DYRK1A: variants seen among roughly 807,000 people sequenced by gnomAD.
DYRK1A encodes dual specificity tyrosine-phosphorylation-regulated kinase 1A.
A neutral mutation model predicts 79.7 loss-of-function variants in DYRK1A; 9 were observed. The observed-to-expected ratio is 0.11, with a 90% CI of 0.07 to 0.20. The LOEUF (loss-of-function observed/expected upper bound fraction) is 0.20, where lower values mean the gene tolerates loss of function less well. Among genes scored for constraint, DYRK1A ranks in the 10% least tolerant of loss-of-function variants. The pLI is 1.00. For synonymous variants in DYRK1A, 349 were observed against 329.7 expected (o/e 1.06, Z -0.63); for missense variants, 622 against 956.0 (o/e 0.65, Z 4.61).
intron 2 of DYRK1A, among the ~76,000 whole-genome samples, chr21:37,428,258 A>C (rs1313753762): frequency 6.6e-6 from 1 of 152,220 alleles, no homozygotes; most frequent in Non-Finnish European, 1.5e-5. Context: ...GTTTTATACA[A>C]GAGCTTTAAC....
At chr21:37,375,806 G>A (rs2049527028) in intron 1 of DYRK1A, among the ~76,000 whole-genome samples, 1 of 151,940 alleles carries the variant, frequency 6.6e-6, no homozygotes, top group African/African-American at 2.4e-5. Flanking sequence ...ACCACACCCA[G>A]CCCTGGAGGA....
chr21:37,409,474 A>G (rs1377916697), intron 1 of DYRK1A, among the ~76,000 whole-genome samples: 2 of 152,132 alleles, frequency 1.3e-5, no homozygotes, highest in Non-Finnish European at 2.9e-5. Context: ...ATTTTTAAAA[A>G]CAAATATATT....
intron 1 of DYRK1A, chr21:37,410,657 A>T (rs2050225433): frequency 6.6e-6 from 1 of 152,274 alleles, no homozygotes; most frequent in African/African-American, 2.4e-5. Flanking sequence ...CCTCCCCAGT[A>T]GCTGGGATTA....
intron 2 of DYRK1A, among the ~76,000 whole-genome samples, chr21:37,457,396 A>AT (rs1198721125): frequency 6.6e-6 from 1 of 151,808 alleles, no homozygotes; most frequent in African/African-American, 2.4e-5. Context: ...TGATCGCCTA[A>AT]TTGTGTGTGT....
chr21:37,453,494 A>G (rs2148507591), intron 2 of DYRK1A, among the ~76,000 whole-genome samples: 1 of 152,042 alleles, frequency 6.6e-6, no homozygotes, highest in Non-Finnish European at 1.5e-5. Flanking sequence ...TTTATGTTTA[A>G]GACAGAGCTG....
intron 2 of DYRK1A, among the ~76,000 whole-genome samples, chr21:37,462,304 G>A (rs978294184): frequency 3.9e-5 from 6 of 152,114 alleles, no homozygotes; most frequent in Admixed American, 1.3e-4. Flanking sequence ...GTTGAATGTC[G>A]TCCTGGCAGG....
intron 1 of DYRK1A, among the ~76,000 whole-genome samples, chr21:37,398,063 C>T (rs1329514650): frequency 4.5e-5 from 2 of 44,334 alleles, no homozygotes; most frequent in South Asian, 9.1e-4. Flanking sequence ...AAGACCTCAT[C>T]TCTTAAAAAA....
At chr21:37,459,005 GTTT>G (rs1380039032) in intron 2 of DYRK1A, among the ~76,000 whole-genome samples, 1 of 152,200 alleles carries the variant, frequency 6.6e-6, no homozygotes, top group Non-Finnish European at 1.5e-5. Flanking sequence ...GCAGTTCACT[GTTT>G]TGTGTGTGGA....
At chr21:37,378,635 G>A (rs2049596149) in intron 1 of DYRK1A, among the ~76,000 whole-genome samples, 1 of 152,308 alleles carries the variant, frequency 6.6e-6, no homozygotes, top group South Asian at 2.1e-4. Context: ...CAGAAAAGGG[G>A]GCTCTTGTTC....
intron 2 of DYRK1A, among the ~76,000 whole-genome samples, chr21:37,466,740 TTAAG>T (rs1265590124): frequency 2.2e-4 from 33 of 152,214 alleles, no homozygotes; most frequent in South Asian, 4.2e-4. Flanking sequence ...GTATAACACT[TTAAG>T]TAGGAGATTT....
rs568859082 is a variant in DYRK1A at position 37,399,027 on chromosome 21, T to A, written c.-76-21272T>A. ...AAATAAAATGATAGAGAAACTTGCA[T>A]AGATGAAGGATGTGTCCCATTCCCT... On this transcript the variant is annotated intron_variant, in intron 1 of 11. Coordinates refer to ENST00000647188, the MANE Select transcript of DYRK1A (RefSeq NM_001347721.2). 1.4e-4 allele frequency among the ~76,000 whole-genome samples: 21 copies of A among 151,884 alleles called. No individual in the cohort carries two copies. The South Asian group carries it at 4.4e-3, about 32-fold the overall frequency.
At chr21:37,468,739 GAGAA>G (rs1188213560) in intron 2 of DYRK1A, among the ~76,000 whole-genome samples, 1 of 129,474 alleles carries the variant, frequency 7.7e-6, no homozygotes, top group African/African-American at 2.6e-5. Flanking sequence ...AGATGTGAGA[GAGAA>G]AGCCCAGTGT....
At chr21:37,461,860 CT>C (rs113876525) in intron 2 of DYRK1A, among the ~76,000 whole-genome samples, 10,597 of 125,770 alleles carry the variant, frequency 0.084, 1,124 homozygotes, top group African/African-American at 0.25. Context: ...TGACTTTTTC[CT>C]TTTTTTTTTT....
intron 2 of DYRK1A, among the ~76,000 whole-genome samples, chr21:37,431,583 G>T (rs1038454529): frequency 6.6e-6 from 1 of 152,122 alleles, no homozygotes; most frequent in Non-Finnish European, 1.5e-5. Context: ...GCAGGCACAG[G>T]GCCTTTCCTT....
At chr21:37,378,848 A>G (rs944604093) in intron 1 of DYRK1A, among the ~76,000 whole-genome samples, 3 of 152,228 alleles carry the variant, frequency 2.0e-5, no homozygotes, top group Non-Finnish European at 4.4e-5. Flanking sequence ...CTAGAAGAGC[A>G]CAGGAAGTAA....
At chr21:37,377,233 T>G (rs2049563927) in intron 1 of DYRK1A, among the ~76,000 whole-genome samples, 1 of 152,050 alleles carries the variant, frequency 6.6e-6, no homozygotes, top group Admixed American at 6.6e-5. Context: ...CATTCTCCTA[T>G]CTCAGCCTCC....
chr21:37,465,950 G>A (rs1413075823), intron 2 of DYRK1A, among the ~76,000 whole-genome samples: 1 of 152,200 alleles, frequency 6.6e-6, no homozygotes, highest in Non-Finnish European at 1.5e-5. Context: ...TGCTGTTACA[G>A]ATTATGAATG....
At chr21:37,425,155 G>C (rs541404495) in intron 2 of DYRK1A, among the ~76,000 whole-genome samples, 19 of 152,260 alleles carry the variant, frequency 1.2e-4, no homozygotes, top group African/African-American at 4.1e-4. Context: ...TTTATGTCCA[G>C]CTAGTCCGAT....
intron 2 of DYRK1A, among the ~76,000 whole-genome samples, chr21:37,437,556 TACC>T (rs942150829): frequency 2.0e-5 from 3 of 152,230 alleles, no homozygotes; most frequent in Admixed American, 6.5e-5. Flanking sequence ...GTGAAACTTT[TACC>T]ACAAGTCAGA....
Sources: gnomAD v4.1 joint callset for allele counts (sites outside exome capture counted in the v4.1 genomes callset) on GRCh38, gnomAD v4.1.1 for gene constraint, MANE v1.5 for transcripts, NCBI Gene and HGNC (gene_info 2026-07-23, HGNC 2026-07-21) for gene names.